THBS2: variants seen among roughly 807,000 people sequenced by gnomAD.
The protein encoded by THBS2 is thrombospondin-2.
In THBS2, 47 loss-of-function variants were observed where a neutral mutation model predicts 135.2. The observed-to-expected ratio is 0.35, with a 90% CI of 0.28 to 0.44. The LOEUF is 0.44. THBS2 is among the 20% of genes least tolerant of loss of function. The pLI is 1.00. For synonymous variants in THBS2, 639 were observed against 633.8 expected, an observed-to-expected ratio of 1.01 and a Z score of -0.12; for missense variants, 1,288 against 1,603.1, an observed-to-expected ratio of 0.80 and a Z score of 3.36.
intron 9 of THBS2, 83 bp downstream of exon 9, chr6:169,237,087 C>T (rs1167927051): frequency 8.1e-6 from 12 of 1,482,242 alleles, no homozygotes; most frequent in Admixed American, 2.0e-5. Context: ...CCTGACACCC[C>T]GGATCCCGGC....
chr6:169,225,540 T>C (rs1779599471), intron 16 of THBS2, among the ~76,000 whole-genome samples, 161 bp from the exon 17 acceptor site: 1 of 152,124 alleles, frequency 6.6e-6, no homozygotes, highest in African/African-American at 2.4e-5. Context: ...GACCCTGACG[T>C]CAGGACAAGC....
At chr6:169,239,036 T>C (rs1455150405) in intron 7 of THBS2, among the ~76,000 whole-genome samples, 1 of 152,116 alleles carries the variant, frequency 6.6e-6, no homozygotes, top group Non-Finnish European at 1.5e-5. Context: ...GAGGGCAGCG[T>C]TGGGGCCAAC....
rs1779617567 is a variant in THBS2 at position 169,226,127 on chromosome 6, C to T, written c.2538+53G>A. ...GTGATCCCCCACACCGCCACCGTCCCCGCGTCCCTCTGATGAGGACCTCCA... is the reference window on the plus strand; with the variant it reads ...GTGATCCCCCACACCGCCACCGTCCTCGCGTCCCTCTGATGAGGACCTCCA... On this transcript the variant is annotated intron_variant, in intron 16 of 21. Coordinates refer to ENST00000617924, the MANE Select transcript of THBS2 (RefSeq NM_003247.5). 3 of 1,515,534 alleles carry T rather than the reference C, an allele frequency of 2.0e-6. No homozygotes were observed. The South Asian group carries it at 3.4e-5, about 17-fold the overall frequency. 93.9% of individuals were successfully genotyped at this position (1,515,534 alleles called of 1,614,324 possible).
chr6:169,227,583 T>C (rs748473892), intron 15 of THBS2, among the ~76,000 whole-genome samples: 3 of 152,150 alleles, frequency 2.0e-5, no homozygotes, highest in Non-Finnish European at 2.9e-5. Context: ...GAGAGGAGGA[T>C]ACCAAATGCA....
Position 169,229,725 on chromosome 6 carries a change from C to A in THBS2, c.2152-46G>T, listed in dbSNP as rs540209077. 2.1e-5 allele frequency: 32 copies of A among 1,515,866 alleles called. No individual in the cohort carries two copies. The East Asian group carries it at 7.0e-4, about 33-fold the overall frequency. 93.9% of individuals were successfully genotyped at this position (1,515,866 alleles called of 1,614,324 possible). ...ATACTTGGAAAAACATTTAGGAAAG[C>A]GCCTCTTTCAGGAATGCAGGTGAAA... On this transcript the variant is annotated intron_variant, in intron 13 of 21. Coordinates refer to ENST00000617924, the MANE Select transcript of THBS2 (RefSeq NM_003247.5).
At chr6:169,220,746 G>C (rs894143849) in intron 20 of THBS2, among the ~76,000 whole-genome samples, 1 of 152,154 alleles carries the variant, frequency 6.6e-6, no homozygotes, top group Non-Finnish European at 1.5e-5. Flanking sequence ...GTGGGAGCAG[G>C]ACTGGATACA....
intron 4 of THBS2, among the ~76,000 whole-genome samples, chr6:169,245,619 C>T (rs1016735375): frequency 7.2e-5 from 11 of 151,906 alleles, no homozygotes; most frequent in Admixed American, 3.3e-4. Context: ...GCTGAAACCC[C>T]ATCTCTACTA....
chr6:169,251,806 A>AAACC (rs1554248446), intron 1 of THBS2, among the ~76,000 whole-genome samples: 1 of 119,732 alleles, frequency 8.4e-6, no homozygotes, highest in African/African-American at 3.1e-5. Context: ...GCACCTGCAG[A>AAACC]CCCCCCACCC....
At chr6:169,238,497 A>G (rs1266837773) in intron 7 of THBS2, among the ~76,000 whole-genome samples, 1 of 152,238 alleles carries the variant, frequency 6.6e-6, no homozygotes, top group Non-Finnish European at 1.5e-5. Flanking sequence ...CTGATAACAT[A>G]AAATGTCTCC....
chr6:169,236,946 A>G (rs564810804), intron 9 of THBS2, among the ~76,000 whole-genome samples: 1 of 152,358 alleles, frequency 6.6e-6, no homozygotes, highest in South Asian at 2.1e-4. Context: ...AAACGGGGCT[A>G]TCTCAGAGGA....
At position 169,219,739 on chromosome 6, in the gene THBS2, T is replaced by A. The variant is rs141635061; in HGVS notation, c.3511+459A>T. 97 of 515,024 alleles carry A rather than the reference T, an allele frequency of 1.9e-4. 1 individual carries two copies. In the East Asian group the frequency reaches 4.0e-3, roughly 21 times the overall value. The allele number at this position is 515,024 out of a possible 1,614,324, so 31.9% of individuals were successfully genotyped here. A position where few individuals can be genotyped will look rare whatever the true frequency, so the allele number is the denominator to read the frequency against. On this transcript the variant is annotated intron_variant, in intron 21 of 21. Transcript: ENST00000617924. ...GTAATGCGCATTTGAAGGCATGGAA[T>A]TAGAGCAGATGGAATTCAAGTTATC... is the stretch of plus-strand genomic sequence containing the variant.
At chr6:169,249,837 T>A (rs1026428331) in intron 2 of THBS2, among the ~76,000 whole-genome samples, 2 of 152,160 alleles carry the variant, frequency 1.3e-5, no homozygotes, top group African/African-American at 2.4e-5. Context: ...GAGACCATCA[T>A]GGCTAACGTG....
chr6:169,229,662 C>T lies in THBS2; in HGVS notation c.2169G>A (p.Leu723=), dbSNP rs1240873118. 13 of 1,613,812 alleles carry T rather than the reference C, an allele frequency of 8.1e-6. No homozygotes were observed. Among genetic ancestry groups the T allele is most frequent in the Non-Finnish European group, 1.1e-5 (13 of 1,179,782 alleles). ...CAAAGTCTTCCTGCCCAGAATTTGG[C>T]AGATGGGGGCAGTTATCCTGCAATT... ...YHCIKDNCPH[L]PNSGQEDFDK... Residue 723 remains leucine, a synonymous_variant, in exon 14 of 22, where the codon CTG becomes CTA. Transcript: ENST00000617924.
At chr6:169,222,108 G>A in intron 19 of THBS2, 89 bp downstream of exon 19, 1 of 1,420,802 alleles carries the variant, frequency 7.0e-7, no homozygotes, top group Non-Finnish European at 9.4e-7. Flanking sequence ...AGACAAAAGT[G>A]GGGTCTCTGG....
At chr6:169,242,791 ACTCCCACC>A (rs1780382801) in intron 4 of THBS2, among the ~76,000 whole-genome samples, 1 of 13,860 alleles carries the variant, frequency 7.2e-5, no homozygotes, top group Non-Finnish European at 1.5e-4. Context: ...CCTTCCCACC[ACTCCCACC>A]TTCCCACCTT....
chr6:169,229,490 G>T, intron 14 of THBS2, 82 bp downstream of exon 14: 2 of 1,050,438 alleles, frequency 1.9e-6, no homozygotes, highest in Non-Finnish European at 2.9e-6. Flanking sequence ...CGTTGACAAG[G>T]GCTGTTTGGT....
At chr6:169,237,126 C>T (rs1405842977) in intron 9 of THBS2, 44 bp downstream of exon 9, 3 of 1,563,342 alleles carry the variant, frequency 1.9e-6, no homozygotes, top group Non-Finnish European at 2.6e-6. Context: ...CTGTGAGCTG[C>T]CTGCAAGCCC....
rs1002685379 is a variant in THBS2 at position 169,252,472 on chromosome 6, C to A, written c.-23+1252G>T. On this transcript the variant is annotated intron_variant, in intron 1 of 21. Transcript: ENST00000617924. The surrounding 1 kb of genome is among the most constrained non-coding windows in gnomAD (Gnocchi z 4.3). ...CCAGCCAAGAACAGGATGGTAAATG[C>A]GAAAGTTCTGGATGCCCAGCTTCAT... 6.6e-6 allele frequency among the ~76,000 whole-genome samples: 1 copy of A among 152,184 alleles called. No homozygotes were observed. The highest frequency in any genetic ancestry group is 2.4e-5 in the African/African-American group (1 of 41,434).
rs545602414 is a variant in THBS2, at chr6:169,248,666, G to A, written c.360C>T (p.Pro120=). Residue 120 remains proline, a synonymous_variant, in exon 3 of 22, where the codon CCC becomes CCT. Transcript: ENST00000617924. ...QRQFEIVSNG[P]ADTLDLTYWI... The stretch of plus-strand genomic sequence containing the variant: ...AGTAGGTGAGATCCAGCGTGTCCGC[G>A]GGGCCGTTGGAGACGATCTCGAACT... The A allele has an allele frequency of 1.4e-5, 23 of 1,614,004 alleles. No individual in the cohort carries two copies. Among genetic ancestry groups the A allele is most frequent in the East Asian group, 6.7e-5 (3 of 44,830 alleles).
Sources: gnomAD v4.1 joint callset for allele counts (sites outside exome capture counted in the v4.1 genomes callset) on GRCh38, gnomAD v4.1.1 for gene constraint, Gnocchi (gnomAD v3.1) non-coding constraint, MANE v1.5 for transcripts, NCBI Gene and HGNC (gene_info 2026-07-23, HGNC 2026-07-21) for gene names.